The following MEIKIN variants were observed in gnomAD, a reference collection of about 807,000 sequenced individuals.
The protein encoded by MEIKIN is meiotic kinetochore factor.
At chr5:131,900,988 G>T (rs1353149185) in intron 8 of MEIKIN, among the ~76,000 whole-genome samples, 3 of 152,126 alleles carry the variant, frequency 2.0e-5, no homozygotes, top group African/African-American at 7.2e-5. Context: ...GGACCTTGCT[G>T]TGCACCCCAC....
intron 9 of MEIKIN, among the ~76,000 whole-genome samples, chr5:131,872,350 T>C (rs1174845706): frequency 1.3e-5 from 2 of 152,184 alleles, no homozygotes; most frequent in Non-Finnish European, 2.9e-5. Context: ...ATGTGACGAA[T>C]GCACAAGCCT....
At chr5:131,930,503 T>C (rs1561758312) in intron 5 of MEIKIN, among the ~76,000 whole-genome samples, 1 of 152,234 alleles carries the variant, frequency 6.6e-6, no homozygotes, top group Admixed American at 6.5e-5. Flanking sequence ...TAGGTCCCAT[T>C]TGTCAATTTT....
At chr5:131,861,607 T>C (rs759621376) in intron 9 of MEIKIN, among the ~76,000 whole-genome samples, 27 of 152,230 alleles carry the variant, frequency 1.8e-4, no homozygotes, top group Non-Finnish European at 3.5e-4. Context: ...ATTGCCTTTA[T>C]TATTTTAAGG....
intron 4 of MEIKIN, among the ~76,000 whole-genome samples, chr5:131,935,868 C>T (rs1580915310): frequency 6.7e-6 from 1 of 149,370 alleles, no homozygotes; most frequent in East Asian, 2.1e-4. Context: ...ATCTACCATC[C>T]TTCTCCATAT....
intron 8 of MEIKIN, among the ~76,000 whole-genome samples, chr5:131,886,638 C>T (rs928973549): frequency 1.3e-5 from 2 of 152,006 alleles, no homozygotes; most frequent in Non-Finnish European, 2.9e-5. Flanking sequence ...CCAGACCTGT[C>T]CTATAAGAAA....
intron 8 of MEIKIN, among the ~76,000 whole-genome samples, chr5:131,895,197 T>A (rs761335295): frequency 6.6e-6 from 1 of 152,198 alleles, no homozygotes; most frequent in Non-Finnish European, 1.5e-5. Context: ...CGTTTATTGA[T>A]TTGCATTTGT....
chr5:131,849,844 G>T (rs1750081259), intron 11 of MEIKIN, among the ~76,000 whole-genome samples: 1 of 151,802 alleles, frequency 6.6e-6, no homozygotes, highest in Admixed American at 6.6e-5. Flanking sequence ...ATTAGGAAAA[G>T]AAATAAAAGG....
chr5:131,920,969 T>C (rs1413441535), intron 6 of MEIKIN, among the ~76,000 whole-genome samples: 1 of 152,134 alleles, frequency 6.6e-6, no homozygotes, highest in Admixed American at 6.6e-5. Flanking sequence ...CCCAAAGTGC[T>C]GGGATTACAG....
At chr5:131,812,831 T>G (rs183973564) in intron 12 of MEIKIN, among the ~76,000 whole-genome samples, 73 of 152,072 alleles carry the variant, frequency 4.8e-4, no homozygotes, top group Non-Finnish European at 9.4e-4. Flanking sequence ...ACTCCCAGGG[T>G]GAACCTTTAG....
chr5:131,808,478 T>C (rs1282891432), intron 12 of MEIKIN, among the ~76,000 whole-genome samples: 1 of 152,204 alleles, frequency 6.6e-6, no homozygotes, highest in Non-Finnish European at 1.5e-5. Flanking sequence ...GCTGCACCAG[T>C]ACCTATGTTA....
intron 11 of MEIKIN, among the ~76,000 whole-genome samples, chr5:131,826,256 T>C (rs1198995115): frequency 6.6e-6 from 1 of 151,818 alleles, no homozygotes; most frequent in Non-Finnish European, 1.5e-5. Flanking sequence ...TGAAGAAAAA[T>C]GATCTGAGAC....
At chr5:131,874,095 C>A (rs1208107958) in intron 9 of MEIKIN, among the ~76,000 whole-genome samples, 2 of 151,592 alleles carry the variant, frequency 1.3e-5, no homozygotes, top group Non-Finnish European at 2.9e-5. Flanking sequence ...CTAGAAAAGC[C>A]AGAGCAAACA....
At chr5:131,895,153 T>C (rs1240936279) in intron 8 of MEIKIN, among the ~76,000 whole-genome samples, 3 of 152,142 alleles carry the variant, frequency 2.0e-5, no homozygotes, top group Admixed American at 6.5e-5. Flanking sequence ...AATCATGTGG[T>C]TTTTGTCTTT....
intron 9 of MEIKIN, among the ~76,000 whole-genome samples, chr5:131,860,280 G>C (rs959717379): frequency 9.9e-6 from 1 of 100,668 alleles, no homozygotes; most frequent in Non-Finnish European, 2.1e-5. Context: ...TTTATGCCTA[G>C]TTTTTTTTTT....
intron 11 of MEIKIN, among the ~76,000 whole-genome samples, chr5:131,848,163 G>A (rs906358364): frequency 2.0e-5 from 3 of 151,918 alleles, no homozygotes; most frequent in Non-Finnish European, 2.9e-5. Context: ...CAGAAGGATG[G>A]AAATAATAAA....
intron 9 of MEIKIN, among the ~76,000 whole-genome samples, chr5:131,865,194 A>C (rs552991034): frequency 5.4e-5 from 8 of 148,304 alleles, no homozygotes; most frequent in Admixed American, 6.8e-5. Flanking sequence ...TAGTATCAAA[A>C]TTTTGAATTC....
chr5:131,841,893 T>A (rs908186249), intron 11 of MEIKIN, among the ~76,000 whole-genome samples: 1 of 152,248 alleles, frequency 6.6e-6, no homozygotes. Flanking sequence ...GATTTTTGTA[T>A]ATTGACTTTG....
intron 5 of MEIKIN, among the ~76,000 whole-genome samples, chr5:131,932,853 T>C (rs1363995101): frequency 2.6e-5 from 4 of 152,208 alleles, no homozygotes; most frequent in African/African-American, 4.8e-5. Context: ...AGCTTTTCTG[T>C]GACACTATAG....
At position 131,928,118 on chromosome 5, in the gene MEIKIN, T is replaced by C. The variant is rs550520125; in HGVS notation, c.478+5395A>G. ...GAGATCGCGCCACTGCACTCCAGCC[T>C]GGGCGACAGAGCAAAACTCCGTCTC... On this transcript the variant is annotated intron_variant, in intron 5 of 12. Coordinates refer to ENST00000442687, the MANE Select transcript of MEIKIN (RefSeq NM_001303622.2). Among the ~76,000 whole-genome samples the C allele has an allele frequency of 4.7e-3, 608 of 130,276 alleles. 7 individuals are homozygous for C. The highest frequency in any genetic ancestry group is 0.017 in the African/African-American group (576 of 33,608). 85.5% of individuals were successfully genotyped at this position (130,276 alleles called of 152,430 possible). A position where few individuals can be genotyped will look rare whatever the true frequency, so the allele number is the denominator to read the frequency against.
Sources: gnomAD v4.1 joint callset for allele counts (sites outside exome capture counted in the v4.1 genomes callset) on GRCh38, gnomAD v4.1.1 for gene constraint, MANE v1.5 for transcripts, NCBI Gene and HGNC (gene_info 2026-07-23, HGNC 2026-07-21) for gene names.